The following GABRG3 variants were observed in gnomAD, a reference collection of about 807,000 sequenced individuals.
GABRG3 encodes gamma-aminobutyric acid type A receptor subunit gamma3, also known as gamma-aminobutyric acid receptor subunit gamma-3.
A neutral mutation model predicts 48.8 loss-of-function variants in GABRG3; 25 were observed. The ratio of observed to expected loss-of-function variants is 0.51; its 90% confidence interval spans 0.37 to 0.72. The LOEUF (loss-of-function observed/expected upper bound fraction) is 0.72. Among genes scored for constraint, GABRG3 ranks in the 30% least tolerant of loss-of-function variants. GABRG3 has a pLI of 0.00. For missense variants in GABRG3, 394 were observed against 577.9 expected, an observed-to-expected ratio of 0.68 and a Z score of 3.26; for synonymous variants, 227 against 217.6, an observed-to-expected ratio of 1.04 and a Z score of -0.38.
At chr15:27,451,004 A>C (rs557230473) in intron 5 of GABRG3, among the ~76,000 whole-genome samples, 217 of 152,306 alleles carry the variant, frequency 1.4e-3, no homozygotes, top group Admixed American at 3.0e-3. Context: ...ACTGAAAACT[A>C]TAAAATATTC....
intron 3 of GABRG3, among the ~76,000 whole-genome samples, chr15:27,029,944 A>C (rs1220121133): frequency 6.6e-6 from 1 of 152,238 alleles, no homozygotes; most frequent in African/African-American, 2.4e-5. Flanking sequence ...TAGACCCGCT[A>C]TATCTGTGCA....
chr15:27,526,527 C>T lies in GABRG3; in HGVS notation c.866-906C>T, dbSNP rs373946923. Among the ~76,000 whole-genome samples the T allele has an allele frequency of 6.6e-5, 10 of 152,208 alleles. No individual in the cohort carries two copies. In the East Asian group the frequency reaches 1.9e-3, roughly 29 times the overall value. ...CAGGTCCTGATTTCTTGGGAAGACT[C>T]GGGAGAGTCAGTCTTAGCCTGTTTC... On this transcript the variant is annotated intron_variant, in intron 7 of 9. Transcript: ENST00000615808.
rs144484747 is a variant in GABRG3, at chr15:27,357,049, A to C, written c.574+28161A>C. ...AAAATAAATGATCACCAACAGTAGG[A>C]AGTTTAATTAGACCCAGTTTTTTAG... is the stretch of plus-strand genomic sequence containing the variant. On this transcript the variant is annotated intron_variant, in intron 5 of 9. Transcript: ENST00000615808. Among the ~76,000 whole-genome samples the C allele has an allele frequency of 8.5e-5, 13 of 152,342 alleles. No individual in the cohort carries two copies. In the East Asian group the frequency reaches 2.5e-3, roughly 29 times the overall value.
chr15:27,072,562 C>T (rs1400418351), intron 3 of GABRG3, among the ~76,000 whole-genome samples: 2 of 152,186 alleles, frequency 1.3e-5, no homozygotes, highest in Non-Finnish European at 2.9e-5. Flanking sequence ...CCAGAGGGTA[C>T]AATGACTCAA....
At chr15:27,066,317 A>G (rs1484520831) in intron 3 of GABRG3, among the ~76,000 whole-genome samples, 1 of 152,100 alleles carries the variant, frequency 6.6e-6, no homozygotes, top group Non-Finnish European at 1.5e-5. Context: ...CATATTCTTG[A>G]AGTTGTGTGG....
chr15:27,374,994 A>T (rs1895546287), intron 5 of GABRG3, among the ~76,000 whole-genome samples: 1 of 151,560 alleles, frequency 6.6e-6, no homozygotes, highest in African/African-American at 2.4e-5. Flanking sequence ...ATGGTCATAT[A>T]CCCCTCTTCT....
intron 3 of GABRG3, among the ~76,000 whole-genome samples, chr15:27,119,580 A>C (rs1351335580): frequency 6.6e-6 from 1 of 152,106 alleles, no homozygotes; most frequent in Non-Finnish European, 1.5e-5. Context: ...GTCTTCAGTG[A>C]GTTCTTTGGT....
intron 3 of GABRG3, among the ~76,000 whole-genome samples, chr15:27,046,817 T>C (rs992181040): frequency 6.6e-6 from 1 of 152,252 alleles, no homozygotes; most frequent in African/African-American, 2.4e-5. Flanking sequence ...TTCAGCTTTT[T>C]CTTTTGGAGG....
At chr15:27,114,872 C>T (rs1227415828) in intron 3 of GABRG3, among the ~76,000 whole-genome samples, 1 of 151,894 alleles carries the variant, frequency 6.6e-6, no homozygotes, top group Non-Finnish European at 1.5e-5. Flanking sequence ...GGAAATATAC[C>T]ATCACATGGA....
Position 27,350,157 on chromosome 15 carries a change from A to G in GABRG3, c.574+21269A>G, listed in dbSNP as rs375061312. On this transcript the variant is annotated intron_variant, in intron 5 of 9. Coordinates refer to ENST00000615808, the MANE Select transcript of GABRG3 (RefSeq NM_033223.5). The stretch of plus-strand genomic sequence containing the variant: ...ATCTTGGCCTTCAGATTGTCTCTTC[A>G]TGCATATCGCTGACGTTTAAAAGTT... 32 of 455,954 alleles carry G rather than the reference A, an allele frequency of 7.0e-5. 1 individual carries two copies. Among genetic ancestry groups the G allele is most frequent in the African/African-American group, 5.4e-4 (27 of 50,142 alleles). 28.2% of individuals were successfully genotyped at this position (455,954 alleles called of 1,614,324 possible). A position where few individuals can be genotyped will look rare whatever the true frequency, so the allele number is the denominator to read the frequency against.
chr15:27,328,699 C>G, intron 4 of GABRG3, 107 bp from the exon 5 acceptor site: 1 of 805,768 alleles, frequency 1.2e-6, no homozygotes, highest in Non-Finnish European at 2.1e-6. Context: ...ACATGCTGCC[C>G]TGGGTGACGG....
At chr15:27,498,776 G>A (rs1354793751) in intron 6 of GABRG3, among the ~76,000 whole-genome samples, 1 of 152,002 alleles carries the variant, frequency 6.6e-6, no homozygotes, top group Non-Finnish European at 1.5e-5. Flanking sequence ...AAAGTGCTGA[G>A]ATTACAGGTG....
intron 2 of GABRG3, among the ~76,000 whole-genome samples, chr15:27,023,580 T>C (rs1031017846): frequency 2.0e-5 from 3 of 152,246 alleles, no homozygotes; most frequent in African/African-American, 7.2e-5. Context: ...TTTGTGACTA[T>C]CTTATTTCAC....
chr15:27,271,408 G>A (rs1891083169), intron 3 of GABRG3: 5 of 372,124 alleles, frequency 1.3e-5, no homozygotes, highest in Non-Finnish European at 2.7e-5. Flanking sequence ...TACGCAGGGA[G>A]CTGCGCAAGC....
chr15:27,450,798 A>T (rs1213551247), intron 5 of GABRG3, among the ~76,000 whole-genome samples: 2 of 152,194 alleles, frequency 1.3e-5, no homozygotes, highest in African/African-American at 2.4e-5. Flanking sequence ...AAATGACATG[A>T]TCTTATATGT....
chr15:27,521,657 T>C (rs1438540058), intron 7 of GABRG3, among the ~76,000 whole-genome samples: 1 of 152,074 alleles, frequency 6.6e-6, no homozygotes, highest in East Asian at 1.9e-4. Context: ...AGATGGGTTA[T>C]CTCATCACAG....
chr15:27,403,742 G>A (rs935491759), intron 5 of GABRG3, among the ~76,000 whole-genome samples: 2 of 151,072 alleles, frequency 1.3e-5, no homozygotes. Flanking sequence ...GTGAAACCCC[G>A]TCTCTACTAA....
At chr15:26,971,687 C>T (rs1442587832) in intron 1 of GABRG3, 99 bp downstream of exon 1, 5 of 1,347,528 alleles carry the variant, frequency 3.7e-6, no homozygotes, top group Non-Finnish European at 4.8e-6. Flanking sequence ...CAGCCGTCGG[C>T]TGGGCTGCGG....
chr15:27,098,951 G>C (rs926361557), intron 3 of GABRG3, among the ~76,000 whole-genome samples: 2 of 152,022 alleles, frequency 1.3e-5, no homozygotes, highest in East Asian at 1.9e-4. Flanking sequence ...GTGACCTTGG[G>C]ACTTAAGGGA....
Sources: allele counts gnomAD v4.1 joint callset (sites outside exome capture counted in the v4.1 genomes callset), GRCh38; gene constraint gnomAD v4.1.1; transcripts MANE v1.5; gene names NCBI Gene and HGNC (gene_info 2026-07-23, HGNC 2026-07-21).